The following PAX2 variants were observed in gnomAD, a reference collection of about 807,000 sequenced individuals.
PAX2 encodes the protein paired box protein Pax-2.
A neutral mutation model predicts 41.7 loss-of-function variants in PAX2; 9 were observed. The ratio of observed to expected loss-of-function variants is 0.22; its 90% CI spans 0.13 to 0.38. The LOEUF (loss-of-function observed/expected upper bound fraction) is 0.38. Ranked by LOEUF, PAX2 falls within the 10% of genes least tolerant of loss-of-function variation. The pLI, the probability that PAX2 is intolerant of heterozygous loss-of-function variation, is 1.00. For missense variants in PAX2, 418 were observed against 531.6 expected (o/e 0.79, Z 2.10); for synonymous variants, 221 against 212.7 (o/e 1.04, Z -0.34).
At chr10:100,742,391 A>G (rs10786606), upstream of PAX2, among the ~76,000 whole-genome samples, 121,166 of 151,442 alleles carry the variant, frequency 0.8, 48,688 homozygotes, top group East Asian at 1. Context: ...CTACACCCAG[A>G]CAGAGCAGGC....
At chr10:100,770,967 G>A (rs1460190645) in intron 3 of PAX2, among the ~76,000 whole-genome samples, 1 of 152,098 alleles carries the variant, frequency 6.6e-6, no homozygotes, top group African/African-American at 2.4e-5. Flanking sequence ...CCAGAAGGAT[G>A]GTTTCTTCAC....
chr10:100,789,208 C>T (rs944324344), intron 5 of PAX2, among the ~76,000 whole-genome samples: 3 of 152,194 alleles, frequency 2.0e-5, no homozygotes, highest in Non-Finnish European at 4.4e-5. Flanking sequence ...CCAGTTCAAG[C>T]GATTCTCCTG....
In PAX2 at chr10:100,791,382, G is replaced by A. The variant is rs748965014; in HGVS notation, c.616+10017G>A. Among the ~76,000 whole-genome samples the A allele has an allele frequency of 2.6e-5, 4 of 152,186 alleles. No individual in the cohort carries two copies. On this transcript the variant is annotated intron_variant, in intron 5 of 9. Coordinates refer to ENST00000355243, the MANE Select transcript of PAX2 (RefSeq NM_000278.5). This position sits in a 1 kb window ranked among gnomAD's most constrained non-coding sequence, Gnocchi z 4.5. Reference sequence around the variant, plus strand: ...TATGTGTGTACATGTGTATGTGTGTGCATGTGTGTAAGGTTGGGGTACACA... The same window carrying A: ...TATGTGTGTACATGTGTATGTGTGTACATGTGTGTAAGGTTGGGGTACACA...
In PAX2 at chr10:100,762,621, TG is replaced by T. The variant is rs1156305725; in HGVS notation, c.410+11731del. Reference sequence around the variant, plus strand: ...AGTAGGGTATATCAGTTAGAGACACTGAAAGATAGCTATGCTGCTCTCTGGA... The same window carrying T: ...AGTAGGGTATATCAGTTAGAGACACTAAAGATAGCTATGCTGCTCTCTGGA... On this transcript the variant is annotated intron_variant, in intron 3 of 9. Transcript: ENST00000355243. Among the ~76,000 whole-genome samples, 6 of 152,246 alleles carry T rather than the reference TG, an allele frequency of 3.9e-5. No homozygotes were observed. In the South Asian group the frequency reaches 1.2e-3, roughly 32 times the overall value.
intron 7 of PAX2, among the ~76,000 whole-genome samples, chr10:100,811,080 G>A (rs1014615907): frequency 1.3e-5 from 2 of 152,062 alleles, no homozygotes; most frequent in African/African-American, 2.4e-5. Context: ...TGGTAATGAC[G>A]GGGAAACTCG....
intron 3 of PAX2, among the ~76,000 whole-genome samples, chr10:100,777,063 G>A (rs1846413289): frequency 6.6e-6 from 1 of 151,636 alleles, no homozygotes; most frequent in South Asian, 2.1e-4. Flanking sequence ...GATTTTAGAG[G>A]CTGCATTCTG....
chr10:100,788,518 C>T (rs926486477), intron 5 of PAX2, among the ~76,000 whole-genome samples: 8 of 152,174 alleles, frequency 5.3e-5, no homozygotes, highest in South Asian at 4.1e-4. Context: ...TGGGGGAAGT[C>T]GGTGGGTGAG....
intron 5 of PAX2, 78 bp from the exon 6 acceptor site, chr10:100,806,352 C>A: frequency 6.8e-7 from 1 of 1,477,946 alleles, no homozygotes; most frequent in Non-Finnish European, 9.4e-7. Flanking sequence ...GAACCAGATG[C>A]CCACCTCTTT....
intron 3 of PAX2, among the ~76,000 whole-genome samples, chr10:100,760,575 C>T (rs915133944): frequency 1.3e-5 from 2 of 152,120 alleles, no homozygotes; most frequent in South Asian, 2.1e-4. Flanking sequence ...TGTGTAGTAT[C>T]GCACTAGGAG....
At chr10:100,821,710 G>A (rs527525644) in intron 7 of PAX2, among the ~76,000 whole-genome samples, 17 of 152,286 alleles carry the variant, frequency 1.1e-4, no homozygotes, top group African/African-American at 2.6e-4. Flanking sequence ...AGGAGATTCC[G>A]TGACAAAACC....
At chr10:100,781,666 G>A (rs1486466794) in intron 5 of PAX2, among the ~76,000 whole-genome samples, 1 of 152,234 alleles carries the variant, frequency 6.6e-6, no homozygotes, top group Non-Finnish European at 1.5e-5. Flanking sequence ...GAAGGTTTTG[G>A]AGTTGGGGGA....
Position 100,745,722 on chromosome 10 carries a change from C to CCCGCGCG in PAX2, c.-537_-531dup, listed in dbSNP as rs562669363. 2.5e-3 allele frequency: 2,500 copies of CCCGCGCG among 1,019,240 alleles called. 60 individuals are homozygous for CCCGCGCG. The African/African-American group carries it at 0.041, about 17-fold the overall frequency. 63.1% of individuals were successfully genotyped at this position (1,019,240 alleles called of 1,614,324 possible). A position where few individuals can be genotyped will look rare whatever the true frequency, so the allele number is the denominator to read the frequency against. On this transcript the variant is annotated 5_prime_UTR_variant, in exon 1 of 10. Coordinates refer to ENST00000355243, the MANE Select transcript of PAX2 (RefSeq NM_000278.5). ...GCCTTTTCCGGGGGCGGGGGCCTGG[C>CCCGCGCG]CCGCGCGCTCCCCTCCCGCAGGCGC...
chr10:100,797,725 G>A (rs765792368), intron 5 of PAX2, among the ~76,000 whole-genome samples: 1 of 152,198 alleles, frequency 6.6e-6, no homozygotes, highest in Non-Finnish European at 1.5e-5. Flanking sequence ...AATTAATGGT[G>A]AGGGAGGAGC....
chr10:100,806,530 A>C lies in PAX2; in HGVS notation c.717A>C (p.Glu239Asp). Reference protein sequence around the residue: ...RADTFTQQQLEALDRVFERPS... With the variant: ...RADTFTQQQLDALDRVFERPS... ...ACACCTTCACCCAGCAGCAGCTGGA[A>C]GCTTTGGATCGGGTCTTTGAGCGTC... The change falls in exon 6 of 10, where the codon GAA (glutamate) becomes GAC (aspartate). Residue 239 changes from glutamate (E) to aspartate (D), a missense_variant. By Grantham distance (45) the Glu-to-Asp change is conservative. Transcript: ENST00000355243. 1.2e-6 allele frequency: 2 copies of C among 1,614,216 alleles called. No homozygotes were observed. The highest frequency in any genetic ancestry group is 1.3e-5 in the African/African-American group (1 of 75,068).
intron 7 of PAX2, among the ~76,000 whole-genome samples, chr10:100,815,866 G>A (rs1451791535): frequency 1.3e-5 from 2 of 152,204 alleles, no homozygotes; most frequent in Admixed American, 1.3e-4. Flanking sequence ...GCCCTTCCCA[G>A]GAGGGTGCCA....
chr10:100,809,389 G>A lies in PAX2; in HGVS notation c.919+153G>A, dbSNP rs535694284. On this transcript the variant is annotated intron_variant, in intron 7 of 9. Coordinates refer to ENST00000355243, the MANE Select transcript of PAX2 (RefSeq NM_000278.5). The stretch of plus-strand genomic sequence containing the variant: ...AAACCAGGGTGCTTCCTGAACAGGG[G>A]TGTGCAGATGTGGGGAGAAAAAAAC... Among the ~76,000 whole-genome samples the A allele has an allele frequency of 1.1e-4, 16 of 152,334 alleles. No individual in the cohort carries two copies. The South Asian group carries it at 2.9e-3, about 28-fold the overall frequency.
At chr10:100,793,008 C>A (rs11190710) in intron 5 of PAX2, among the ~76,000 whole-genome samples, 9,507 of 152,306 alleles carry the variant, frequency 0.062, 371 homozygotes, top group South Asian at 0.13. Flanking sequence ...AGCAGTTTCT[C>A]TAAACAAGCA....
At chr10:100,785,029 C>G (rs1445336102) in intron 5 of PAX2, among the ~76,000 whole-genome samples, 1 of 152,108 alleles carries the variant, frequency 6.6e-6, no homozygotes, top group East Asian at 1.9e-4. Context: ...TCCATCAGTC[C>G]GAGAAGGTAG....
intron 5 of PAX2, among the ~76,000 whole-genome samples, chr10:100,790,598 C>T (rs969474192): frequency 6.6e-6 from 1 of 152,242 alleles, no homozygotes; most frequent in African/African-American, 2.4e-5. Context: ...CTGAGTTCAC[C>T]TCCCTGGGCG....
Sources: allele counts gnomAD v4.1 joint callset (sites outside exome capture counted in the v4.1 genomes callset), GRCh38; gene constraint gnomAD v4.1.1; non-coding constraint Gnocchi (gnomAD v3.1); transcripts MANE v1.5; gene names NCBI Gene and HGNC (gene_info 2026-07-23, HGNC 2026-07-21).